Variants in TENM2 observed in about 807,000 individuals in gnomAD.
TENM2 encodes teneurin transmembrane protein 2.
TENM2 carries 52 observed loss-of-function variants against 245.2 expected under a neutral mutation model. That is an observed-to-expected ratio of 0.21 (90% CI 0.17 to 0.27). The LOEUF is 0.27. Among genes scored for constraint, TENM2 ranks in the 10% least tolerant of loss-of-function variants. The pLI is 1.00. For synonymous variants in TENM2, 1,363 were observed against 1,438.9 expected, an observed-to-expected ratio of 0.95 and a Z score of 1.19; for missense variants, 3,046 against 3,666.8, an observed-to-expected ratio of 0.83 and a Z score of 4.37.
intron 2 of TENM2, among the ~76,000 whole-genome samples, chr5:167,591,388 A>C (rs1775866005): frequency 6.6e-6 from 1 of 152,188 alleles, no homozygotes; most frequent in Non-Finnish European, 1.5e-5. Context: ...TATTTTATTG[A>C]GGGGTAAATA....
intron 2 of TENM2, among the ~76,000 whole-genome samples, chr5:167,585,496 A>T (rs937871816): frequency 6.6e-6 from 1 of 152,148 alleles, no homozygotes; most frequent in Non-Finnish European, 1.5e-5. Context: ...ATGCAGAATA[A>T]ATATATATTG....
chr5:167,022,907 A>G, the TENM2 span, among the ~76,000 whole-genome samples: 1 of 152,252 alleles, frequency 6.6e-6, no homozygotes, highest in Non-Finnish European at 1.5e-5. Flanking sequence ...TACCATGAGC[A>G]TCTTAAATAA....
chr5:167,395,336 G>A (rs1037291968), intron 2 of TENM2, among the ~76,000 whole-genome samples: 2 of 152,040 alleles, frequency 1.3e-5, no homozygotes, highest in African/African-American at 2.4e-5. Flanking sequence ...TGTTGATTTT[G>A]TATCCTGCAA....
chr5:167,116,937 A>G, the TENM2 span, among the ~76,000 whole-genome samples: 2 of 152,222 alleles, frequency 1.3e-5, no homozygotes, highest in Non-Finnish European at 2.9e-5. Context: ...TTTGATAACT[A>G]TTGTAGTTTG....
chr5:167,316,669 C>T (rs1756382842), intron 1 of TENM2, among the ~76,000 whole-genome samples: 1 of 152,162 alleles, frequency 6.6e-6, no homozygotes, highest in African/African-American at 2.4e-5. Flanking sequence ...ATTAAGTTCA[C>T]TTTAGTAAAC....
At chr5:167,740,226 G>C (rs1366016526) in intron 2 of TENM2, among the ~76,000 whole-genome samples, 1 of 152,098 alleles carries the variant, frequency 6.6e-6, no homozygotes, top group African/African-American at 2.4e-5. Context: ...TGCTTTTCCA[G>C]TTACTGCCTT....
the TENM2 span, among the ~76,000 whole-genome samples, chr5:167,178,490 A>G: frequency 1.3e-5 from 2 of 152,076 alleles, no homozygotes; most frequent in Non-Finnish European, 1.5e-5. Flanking sequence ...GTAAGGATGG[A>G]GTGTTAGCGC....
intron 1 of TENM2, among the ~76,000 whole-genome samples, chr5:167,352,396 A>C (rs1049369449): frequency 1.3e-5 from 2 of 152,228 alleles, no homozygotes; most frequent in African/African-American, 2.4e-5. Context: ...TATCTTTTTC[A>C]GGTAAGCAGA....
chr5:168,065,350 A>G (rs2152108738), intron 7 of TENM2, among the ~76,000 whole-genome samples: 1 of 152,262 alleles, frequency 6.6e-6, no homozygotes, highest in African/African-American at 2.4e-5. Flanking sequence ...GCATAGGAGA[A>G]AATGTCCAGA....
rs57973052 is a variant in TENM2, at chr5:167,746,675, C to CAGAGAGAGAGAGAGAGAG, written c.503-129288_503-129271dup. 2.8e-3 allele frequency among the ~76,000 whole-genome samples: 331 copies of CAGAGAGAGAGAGAGAGAG among 117,120 alleles called. 4 individuals carry two copies. The highest frequency in any genetic ancestry group is 0.01 in the South Asian group (28 of 2,784). The allele number at this position is 117,120 out of a possible 152,430, so 76.8% of individuals were successfully genotyped here. ...GGGCACTGTAGAGCTAAATTACCAA[C>CAGAGAGAGAGAGAGAGAG]AGAGAGAGAGAGAGAGAGAGAGAGA... On this transcript the variant is annotated intron_variant, in intron 2 of 28. Transcript: ENST00000518659.
the TENM2 span, among the ~76,000 whole-genome samples, chr5:167,128,910 A>G: frequency 6.6e-6 from 1 of 152,204 alleles, no homozygotes; most frequent in African/African-American, 2.4e-5. Context: ...CATACACCCC[A>G]TACCCTTTGT....
intron 12 of TENM2, among the ~76,000 whole-genome samples, chr5:168,154,471 C>A (rs1027170844): frequency 3.9e-5 from 6 of 152,146 alleles, no homozygotes; most frequent in Non-Finnish European, 8.8e-5. Flanking sequence ...GTGATCCACC[C>A]GCCTCAACCT....
chr5:166,981,892 A>C, the TENM2 span, among the ~76,000 whole-genome samples: 13 of 152,160 alleles, frequency 8.5e-5, no homozygotes, highest in Admixed American at 8.5e-4. Flanking sequence ...AGGTTAGATT[A>C]CTATTCAAAC....
chr5:167,532,802 A>G (rs1254490726), intron 2 of TENM2, among the ~76,000 whole-genome samples: 1 of 125,086 alleles, frequency 8.0e-6, no homozygotes, highest in Non-Finnish European at 1.6e-5. Context: ...ACACATATAT[A>G]TTTGTGTGTA....
At chr5:167,424,144 C>T (rs1176762431) in intron 2 of TENM2, among the ~76,000 whole-genome samples, 1 of 133,760 alleles carries the variant, frequency 7.5e-6, no homozygotes, top group African/African-American at 2.7e-5. Context: ...TTCATATGCC[C>T]TTGAATGTGT....
intron 25 of TENM2, among the ~76,000 whole-genome samples, chr5:168,234,246 C>A (rs1300017907): frequency 1.3e-5 from 2 of 152,066 alleles, no homozygotes; most frequent in African/African-American, 2.4e-5. Context: ...AAGGTATCTC[C>A]CCCAGCATTT....
At chr5:167,607,096 G>C (rs1202250617) in intron 2 of TENM2, among the ~76,000 whole-genome samples, 1 of 152,118 alleles carries the variant, frequency 6.6e-6, no homozygotes, top group African/African-American at 2.4e-5. Context: ...ATATAAATGA[G>C]GAAAGAGAGG....
At chr5:167,112,019 T>C in the TENM2 span, among the ~76,000 whole-genome samples, 3 of 152,194 alleles carry the variant, frequency 2.0e-5, no homozygotes, top group Non-Finnish European at 4.4e-5. Context: ...TCTGCCATAT[T>C]GTGAGCTGAC....
chr5:167,191,614 A>G, the TENM2 span, among the ~76,000 whole-genome samples: 1 of 152,166 alleles, frequency 6.6e-6, no homozygotes, highest in Non-Finnish European at 1.5e-5. Context: ...TTATTTTAGT[A>G]CTGAGGAAAG....
Sources: allele counts gnomAD v4.1 joint callset (sites outside exome capture counted in the v4.1 genomes callset), GRCh38; gene constraint gnomAD v4.1.1; transcripts MANE v1.5; gene names NCBI Gene and HGNC (gene_info 2026-07-23, HGNC 2026-07-21).